The following GRAMD2B variants were observed in gnomAD, a reference collection of about 807,000 sequenced individuals.
GRAMD2B encodes GRAM domain-containing protein 2B.
GRAMD2B carries 41 observed loss-of-function variants against 59.2 expected under a neutral mutation model. The ratio of observed to expected loss-of-function variants is 0.69; its 90% CI spans 0.54 to 0.90. The LOEUF is 0.90. Among genes scored for constraint, GRAMD2B ranks in the 40% least tolerant of loss-of-function variants. GRAMD2B has a pLI of 0.00. For synonymous variants in GRAMD2B, 161 were observed against 182.7 expected (o/e 0.88, Z 0.96); for missense variants, 424 against 500.5 (o/e 0.85, Z 1.46).
At chr5:126,481,223 GAAAGAAAGAA>G (rs1561598961) in intron 8 of GRAMD2B, among the ~76,000 whole-genome samples, 3 of 89,074 alleles carry the variant, frequency 3.4e-5, no homozygotes, top group Non-Finnish European at 6.8e-5. Context: ...AAGAAAGAAA[GAAAGAAAGAA>G]AGAAAGAAAG....
exon 1 of GRAMD2B, chr5:126,360,446 C>T: frequency 1.9e-6 from 3 of 1,551,090 alleles, no homozygotes; most frequent in Non-Finnish European, 2.6e-6. Flanking sequence ...GCCAGTGGGT[C>T]CGGACCTGGA....
intron 1 of GRAMD2B, among the ~76,000 whole-genome samples, chr5:126,414,786 T>C (rs980851560): frequency 6.6e-6 from 1 of 152,154 alleles, no homozygotes; most frequent in African/African-American, 2.4e-5. Flanking sequence ...CTTTTAAACG[T>C]AGAAGCTAAT....
intron 8 of GRAMD2B, among the ~76,000 whole-genome samples, chr5:126,481,247 G>C: frequency 1.0e-5 from 1 of 100,402 alleles, no homozygotes; most frequent in South Asian, 3.4e-4. Flanking sequence ...AAGAAAGAAA[G>C]AAAAGAAAAA....
chr5:126,421,586 G>C (rs1026516902), upstream of GRAMD2B, among the ~76,000 whole-genome samples: 3 of 152,178 alleles, frequency 2.0e-5, no homozygotes, highest in African/African-American at 7.2e-5. Flanking sequence ...AGAGAGGCCT[G>C]ACTAAGCCAA....
At chr5:126,406,176 G>C (rs1758249195) in intron 1 of GRAMD2B, among the ~76,000 whole-genome samples, 1 of 151,752 alleles carries the variant, frequency 6.6e-6, no homozygotes, top group Non-Finnish European at 1.5e-5. Context: ...TACTAACTCG[G>C]AATACATCTT....
chr5:126,453,755 TG>T (rs1765782538), intron 1 of GRAMD2B, among the ~76,000 whole-genome samples: 1 of 152,214 alleles, frequency 6.6e-6, no homozygotes, highest in South Asian at 2.1e-4. Context: ...TTGCACACAA[TG>T]CCAATTCAGC....
chr5:126,366,107 T>A (rs1027857347), intron 1 of GRAMD2B, among the ~76,000 whole-genome samples: 4 of 152,204 alleles, frequency 2.6e-5, no homozygotes, highest in Admixed American at 6.5e-5. Flanking sequence ...ATAACATATA[T>A]CCTTTCTCTG....
chr5:126,388,399 TTAAA>T (rs1756378601), intron 1 of GRAMD2B, among the ~76,000 whole-genome samples: 1 of 151,938 alleles, frequency 6.6e-6, no homozygotes. Flanking sequence ...AATTAATTAA[TTAAA>T]TAAAGATGCT....
At position 126,481,509 on chromosome 5, in the gene GRAMD2B, A is replaced by C. The variant is rs182697179; in HGVS notation, c.735+802A>C. On this transcript the variant is annotated intron_variant, in intron 8 of 13. Coordinates refer to ENST00000285689, the MANE Select transcript of GRAMD2B (RefSeq NM_023927.4). The stretch of plus-strand genomic sequence containing the variant: ...AAATCTTTTTTTTGAGAACAGTTTA[A>C]AAGTAATGGGATTGAAAGCGTTTTC... Among the ~76,000 whole-genome samples the C allele has an allele frequency of 1.6e-4, 24 of 152,326 alleles. No individual in the cohort carries two copies. The East Asian group carries it at 2.9e-3, about 18-fold the overall frequency.
chr5:126,473,508 C>T (rs560055195), intron 5 of GRAMD2B, 140 bp downstream of exon 5: 1 of 426,590 alleles, frequency 2.3e-6, no homozygotes, highest in South Asian at 6.1e-5. Context: ...GTTGTAATTC[C>T]AAATACTATG....
intron 8 of GRAMD2B, 52 bp downstream of exon 8, chr5:126,480,759 C>A (rs1159606678): frequency 6.8e-7 from 1 of 1,471,878 alleles, no homozygotes; most frequent in East Asian, 2.3e-5. Flanking sequence ...ATATGTCCCA[C>A]AATTACACTT....
chr5:126,362,324 C>A (rs1424939097), intron 1 of GRAMD2B, among the ~76,000 whole-genome samples: 2 of 152,140 alleles, frequency 1.3e-5, no homozygotes, highest in African/African-American at 4.8e-5. Flanking sequence ...TATGTATAAT[C>A]AACAGCAACA....
intron 1 of GRAMD2B, among the ~76,000 whole-genome samples, chr5:126,374,802 A>T (rs1214074105): frequency 2.0e-5 from 3 of 152,202 alleles, no homozygotes; most frequent in Non-Finnish European, 4.4e-5. Context: ...CTAATCTGTA[A>T]TGCCAGCTCT....
upstream of GRAMD2B, among the ~76,000 whole-genome samples, chr5:126,421,296 T>A (rs986652635): frequency 2.0e-5 from 3 of 152,338 alleles, no homozygotes; most frequent in East Asian, 1.9e-4. Context: ...GAAAAGTCAG[T>A]CTGATCTGAG....
intron 1 of GRAMD2B, among the ~76,000 whole-genome samples, chr5:126,460,085 A>C (rs1378005858): frequency 6.6e-6 from 1 of 152,230 alleles, no homozygotes. Flanking sequence ...GTCATTAAAA[A>C]GTATGAGGAA....
intron 1 of GRAMD2B, among the ~76,000 whole-genome samples, chr5:126,415,945 C>T (rs1759233030): frequency 6.6e-6 from 1 of 152,158 alleles, no homozygotes. Flanking sequence ...TCAAAATGAT[C>T]TGTCAGTTGC....
upstream of GRAMD2B, among the ~76,000 whole-genome samples, chr5:126,420,054 C>CAAAAAAAA (rs386404926): frequency 2.9e-5 from 3 of 103,678 alleles, no homozygotes; most frequent in African/African-American, 7.5e-5. Flanking sequence ...GACTCTTTCT[C>CAAAAAAAA]AAAAAAAAAA....
At chr5:126,376,025 C>T (rs533505628) in intron 1 of GRAMD2B, among the ~76,000 whole-genome samples, 1 of 152,140 alleles carries the variant, frequency 6.6e-6, no homozygotes, top group African/African-American at 2.4e-5. Context: ...ATTGCTGTAA[C>T]GTCTATAGGT....
In GRAMD2B at chr5:126,371,702, G is replaced by C; in HGVS notation, c.125+135G>C. The stretch of plus-strand genomic sequence containing the variant: ...CCATGGGAAGAGAAGGTGCAGCCTA[G>C]GCATCCTGACCAGTGGATTCGAAGG... On this transcript the variant is annotated intron_variant, in intron 1 of 8. Coordinates refer to the GRAMD2B transcript ENST00000506445. The C allele has an allele frequency of 8.1e-6, 6 of 740,930 alleles. No homozygotes were observed. The South Asian group carries it at 1.2e-4, about 15-fold the overall frequency. The allele number at this position is 740,930 out of a possible 1,614,324, so 45.9% of individuals were successfully genotyped here. A position where few individuals can be genotyped will look rare whatever the true frequency, so the allele number is the denominator to read the frequency against.
Sources: allele counts gnomAD v4.1 joint callset (sites outside exome capture counted in the v4.1 genomes callset), GRCh38; gene constraint gnomAD v4.1.1; transcripts MANE v1.5; gene names NCBI Gene and HGNC (gene_info 2026-07-23, HGNC 2026-07-21).